ONECUT2: variants seen among roughly 807,000 people sequenced by gnomAD.
ONECUT2 encodes one cut homeobox 2.
Under a neutral mutation model 27.9 loss-of-function variants are expected in ONECUT2, and 10 were observed. The ratio of observed to expected loss-of-function variants is 0.36; its 90% CI spans 0.22 to 0.61. The LOEUF is 0.61. Ranked by LOEUF, ONECUT2 falls within the 20% of genes least tolerant of loss-of-function variation. ONECUT2 has a pLI of 0.73. For synonymous variants in ONECUT2, 334 were observed against 315.1 expected, an observed-to-expected ratio of 1.06 and a Z score of -0.64; for missense variants, 686 against 721.0, an observed-to-expected ratio of 0.95 and a Z score of 0.56.
chr18:57,435,841 G>A lies in ONECUT2; in HGVS notation c.125G>A (p.Gly42Glu). The A allele has an allele frequency of 9.6e-7, 1 of 1,046,802 alleles. No individual in the cohort carries two copies. Among genetic ancestry groups the A allele is most frequent in the East Asian group, 9.4e-5 (1 of 10,626 alleles). 64.8% of individuals were successfully genotyped at this position (1,046,802 alleles called of 1,614,324 possible). A position where few individuals can be genotyped will look rare whatever the true frequency, so the allele number is the denominator to read the frequency against. Residue 42 changes from glycine (G) to glutamate (E), a missense_variant, in exon 1 of 2, where the codon GGG becomes GAG. Physicochemically the swap from Gly to Glu is moderately conservative, Grantham distance 98. Transcript: ENST00000491143. ...GGGCCGGCCGGCGGCGGCAGTGGCGGGGGCGGCGGCGGGGGCGGCGGGGGC... is the reference window on the plus strand; with the variant it reads ...GGGCCGGCCGGCGGCGGCAGTGGCGAGGGCGGCGGCGGGGGCGGCGGGGGC... ...LHGPAGGGSG[G>E]GGGGGGGGGG...
Position 57,484,383 on chromosome 18 carries a change from A to G in ONECUT2, c.*7660A>G, listed in dbSNP as rs1033000074. The stretch of plus-strand genomic sequence containing the variant: ...TTTATAATTTGAACGATTTTCTCTG[A>G]CATATGGTATGTACAGCCACAGCTC... On this transcript the variant is annotated 3_prime_UTR_variant, in exon 2 of 2. Transcript: ENST00000491143. 6.6e-6 allele frequency: 1 copy of G among 152,576 alleles called. No homozygotes were observed. The highest frequency in any genetic ancestry group is 2.4e-5 in the African/African-American group (1 of 41,422). 9.5% of individuals were successfully genotyped at this position (152,576 alleles called of 1,614,324 possible).
At chr18:57,470,135 G>A (rs769014963) in intron 1 of ONECUT2, among the ~76,000 whole-genome samples, 9 of 152,224 alleles carry the variant, frequency 5.9e-5, no homozygotes, top group African/African-American at 9.6e-5. Flanking sequence ...GATACAGGCC[G>A]TGCTTGGCTG....
Position 57,476,810 on chromosome 18 carries a change from C to T in ONECUT2, c.*87C>T. 1 of 1,417,998 alleles carries T rather than the reference C, an allele frequency of 7.1e-7. No individual in the cohort carries two copies. The highest frequency in any genetic ancestry group is 2.3e-5 in the Admixed American group (1 of 42,684). The allele number at this position is 1,417,998 out of a possible 1,614,324, so 87.8% of individuals were successfully genotyped here. On this transcript the variant is annotated 3_prime_UTR_variant, in exon 2 of 2. Coordinates refer to ENST00000491143, the MANE Select transcript of ONECUT2 (RefSeq NM_004852.3). ...AACAAAGGAAAAAGACACCGGATTC[C>T]TAGCTGGGGCCCTTCACTGGTGATT...
intron 1 of ONECUT2, among the ~76,000 whole-genome samples, chr18:57,438,389 T>C (rs2050155594): frequency 6.6e-6 from 1 of 152,230 alleles, no homozygotes; most frequent in African/African-American, 2.4e-5. Context: ...AGCGCGGGTC[T>C]TGGGATGCGC....
At position 57,483,596 on chromosome 18, in the gene ONECUT2, A is replaced by G. The variant is rs527645475; in HGVS notation, c.*6873A>G. ...TACTTATTTATCAAAACCTAGACCA[A>G]TGGTGCATCAGAGATGCAAAATTCT... On this transcript the variant is annotated 3_prime_UTR_variant, in exon 2 of 2. Coordinates refer to ENST00000491143, the MANE Select transcript of ONECUT2 (RefSeq NM_004852.3). The G allele has an allele frequency of 2.0e-5, 3 of 152,748 alleles. No individual in the cohort carries two copies. Among genetic ancestry groups the G allele is most frequent in the Admixed American group, 6.5e-5 (1 of 15,294 alleles). The allele number at this position is 152,748 out of a possible 1,614,324, so 9.5% of individuals were successfully genotyped here.
intron 1 of ONECUT2, among the ~76,000 whole-genome samples, chr18:57,469,227 G>A (rs1355107334): frequency 6.6e-6 from 1 of 152,160 alleles, no homozygotes; most frequent in Non-Finnish European, 1.5e-5. Context: ...TTCCTAGGAG[G>A]GAAGCTGCGA....
chr18:57,440,055 C>T (rs368008073), intron 1 of ONECUT2, among the ~76,000 whole-genome samples: 1 of 152,216 alleles, frequency 6.6e-6, no homozygotes, highest in African/African-American at 2.4e-5. Flanking sequence ...GAGAAAACTT[C>T]GGAGAAATTT....
At chr18:57,465,647 T>TTCGC (rs2050317307) in intron 1 of ONECUT2, among the ~76,000 whole-genome samples, 1 of 152,246 alleles carries the variant, frequency 6.6e-6, no homozygotes, top group African/African-American at 2.4e-5. Context: ...TTTTCTCTGG[T>TTCGC]TTTCAGATGA....
Position 57,483,682 on chromosome 18 carries a change from G to A in ONECUT2, c.*6959G>A, listed in dbSNP as rs890197878. 6.6e-6 allele frequency: 1 copy of A among 152,552 alleles called. No individual in the cohort carries two copies. The highest frequency in any genetic ancestry group is 6.5e-5 in the Admixed American group (1 of 15,270). The allele number at this position is 152,552 out of a possible 1,614,324, so 9.4% of individuals were successfully genotyped here. A position where few individuals can be genotyped will look rare whatever the true frequency, so the allele number is the denominator to read the frequency against. On this transcript the variant is annotated 3_prime_UTR_variant, in exon 2 of 2. Coordinates refer to ENST00000491143, the MANE Select transcript of ONECUT2 (RefSeq NM_004852.3). ...AAGCAGTGAAATTCTGTTACAGACA[G>A]GGAAGAAATACAGGTTACAAAAAGA... is the stretch of plus-strand genomic sequence containing the variant.
intron 1 of ONECUT2, among the ~76,000 whole-genome samples, chr18:57,448,075 T>A (rs2050210618): frequency 6.6e-6 from 1 of 152,190 alleles, no homozygotes; most frequent in South Asian, 2.1e-4. Context: ...TTATTTCTGG[T>A]TTTATTCCAG....
chr18:57,436,320 C>G lies in ONECUT2; in HGVS notation c.604C>G (p.Arg202Gly). Reference protein sequence around the residue: ...SGSFTLMRDERGLPAMNNLYS... With the variant: ...SGSFTLMRDEGGLPAMNNLYS... ...CAGCTTCACCCTCATGCGCGACGAGCGCGGGCTCCCGGCCATGAACAACCT... is the reference window on the plus strand; with the variant it reads ...CAGCTTCACCCTCATGCGCGACGAGGGCGGGCTCCCGGCCATGAACAACCT... The change falls in exon 1 of 2, where the codon CGC becomes GGC. Residue 202 changes from arginine (R) to glycine (G), a missense_variant. Physicochemically the swap from Arg to Gly is moderately radical, Grantham distance 125. This residue lies in a region of ONECUT2 where 511 missense variants were observed against 488.1 expected (regional missense o/e 1.05). Transcript: ENST00000491143. The surrounding 1 kb of genome is among the most constrained non-coding windows in gnomAD (Gnocchi z 5.9). The G allele has an allele frequency of 1.2e-6, 2 of 1,604,148 alleles. No individual in the cohort carries two copies. Among genetic ancestry groups the G allele is most frequent in the Non-Finnish European group, 1.7e-6 (2 of 1,179,730 alleles).
chr18:57,443,271 A>G (rs2050185727), intron 1 of ONECUT2, among the ~76,000 whole-genome samples: 1 of 152,156 alleles, frequency 6.6e-6, no homozygotes, highest in South Asian at 2.1e-4. Flanking sequence ...GCCTGTATAA[A>G]GGGCCCTGGG....
At chr18:57,448,749 G>A (rs142099759) in intron 1 of ONECUT2, among the ~76,000 whole-genome samples, 8 of 152,300 alleles carry the variant, frequency 5.3e-5, no homozygotes, top group African/African-American at 1.9e-4. Context: ...TGTACTGAAT[G>A]CATTTCCTTT....
chr18:57,471,449 A>G (rs534445557), intron 1 of ONECUT2, among the ~76,000 whole-genome samples: 4 of 152,256 alleles, frequency 2.6e-5, no homozygotes, highest in Admixed American at 1.3e-4. Context: ...ACATTCTTGG[A>G]AAGGCACTTT....
rs138083392 is a variant in ONECUT2, at chr18:57,437,916, T to C, written c.1228+972T>C. 6.6e-3 allele frequency among the ~76,000 whole-genome samples: 1,002 copies of C among 152,286 alleles called. 14 individuals are homozygous for C. The highest frequency in any genetic ancestry group is 0.023 in the African/African-American group (943 of 41,576). On this transcript the variant is annotated intron_variant, in intron 1 of 1. Coordinates refer to ENST00000491143, the MANE Select transcript of ONECUT2 (RefSeq NM_004852.3). ...CTCCGCCTTTGCATTAAGCGGGCGC[T>C]GATTGTGCGCGCCTGGCGACCGCGG...
intron 1 of ONECUT2, among the ~76,000 whole-genome samples, chr18:57,451,540 C>T (rs1331961076): frequency 6.6e-6 from 1 of 152,200 alleles, no homozygotes; most frequent in Non-Finnish European, 1.5e-5. Flanking sequence ...TCTTTACCTC[C>T]TTTTCTGCCC....
chr18:57,437,025 G>A (rs913838726), intron 1 of ONECUT2, 81 bp downstream of exon 1: 50 of 1,480,862 alleles, frequency 3.4e-5, no homozygotes, highest in Middle Eastern at 4.6e-4. Context: ...TCTGCGCGCC[G>A]AGTCACTTCT....
At chr18:57,465,862 T>C (rs1467175227) in intron 1 of ONECUT2, among the ~76,000 whole-genome samples, 1 of 152,206 alleles carries the variant, frequency 6.6e-6, no homozygotes, top group African/African-American at 2.4e-5. Context: ...CAAGCTTCCA[T>C]CTAATCAGCT....
At chr18:57,451,119 G>A (rs867675297) in intron 1 of ONECUT2, among the ~76,000 whole-genome samples, 4 of 152,280 alleles carry the variant, frequency 2.6e-5, no homozygotes, top group Middle Eastern at 6.8e-3. Flanking sequence ...TACATCTTAC[G>A]TGGAAATTAT....
Sources: gnomAD v4.1 joint callset for allele counts (sites outside exome capture counted in the v4.1 genomes callset) on GRCh38, gnomAD v4.1.1 for gene constraint, gnomAD v4.1.1 regional missense constraint, Gnocchi (gnomAD v3.1) non-coding constraint, MANE v1.5 for transcripts, NCBI Gene and HGNC (gene_info 2026-07-23, HGNC 2026-07-21) for gene names.